Variants in FAM184B observed in about 807,000 individuals in gnomAD.
The protein encoded by FAM184B is family with sequence similarity 184 member B, also known as protein FAM184B.
In FAM184B, 111 loss-of-function variants were observed where a neutral mutation model predicts 135.9. The ratio of observed to expected loss-of-function variants is 0.82; its 90% CI spans 0.70 to 0.96. The LOEUF (loss-of-function observed/expected upper bound fraction) is 0.96, where lower values mean the gene tolerates loss of function less well. Among genes scored for constraint, FAM184B ranks in the 40% least tolerant of loss-of-function variants. The pLI is 0.00. For synonymous variants in FAM184B, 552 were observed against 524.8 expected, an observed-to-expected ratio of 1.05 and a Z score of -0.71; for missense variants, 1,375 against 1,323.9, an observed-to-expected ratio of 1.04 and a Z score of -0.60.
chr4:17,658,634 T>A, intron 9 of FAM184B, 72 bp from the exon 10 acceptor site: 1 of 1,395,330 alleles, frequency 7.2e-7, no homozygotes, highest in Non-Finnish European at 9.8e-7. Flanking sequence ...AAATAAAAGC[T>A]TTCTAAATGT....
At chr4:17,692,397 T>G (rs930648646) in intron 6 of FAM184B, among the ~76,000 whole-genome samples, 2 of 152,240 alleles carry the variant, frequency 1.3e-5, no homozygotes, top group African/African-American at 4.8e-5. Context: ...ATACTCATCA[T>G]TTTTTAAAAT....
At chr4:17,740,309 G>A (rs967595291) in intron 1 of FAM184B, among the ~76,000 whole-genome samples, 8 of 130,626 alleles carry the variant, frequency 6.1e-5, no homozygotes, top group Admixed American at 5.7e-4. Flanking sequence ...CTGAGATCAC[G>A]CTACTGCACT....
chr4:17,638,723 C>G (rs899458936), intron 14 of FAM184B, among the ~76,000 whole-genome samples: 12 of 152,140 alleles, frequency 7.9e-5, no homozygotes, highest in Non-Finnish European at 1.8e-4. Context: ...CTGATTTCTT[C>G]GAAGTGTGAG....
chr4:17,632,223 C>T lies in FAM184B; in HGVS notation c.*309G>A, dbSNP rs758610773. 46 of 171,162 alleles carry T rather than the reference C, an allele frequency of 2.7e-4. No individual in the cohort carries two copies. The highest frequency in any genetic ancestry group is 4.4e-4 in the Non-Finnish European group (35 of 79,468). 10.6% of individuals were successfully genotyped at this position (171,162 alleles called of 1,614,324 possible). ...CCAAGTACCTGGGACCACAGGCACA[C>T]GCCACCATGCCTGGCTAATTTTTGT... On this transcript the variant is annotated 3_prime_UTR_variant, in exon 18 of 18. Transcript: ENST00000265018.
At position 17,630,672 on chromosome 4, in the gene FAM184B, G is replaced by A. The variant is rs1369485539; in HGVS notation, c.*1860C>T. On this transcript the variant is annotated 3_prime_UTR_variant, in exon 18 of 18. Coordinates refer to ENST00000265018, the MANE Select transcript of FAM184B (RefSeq NM_015688.2). ...GTGAAAAACAGTATGGTGTGTTAAT[G>A]TATGGTGACAAGTGTTTGTTTGCAT... 6.6e-6 allele frequency: 1 copy of A among 152,216 alleles called. No homozygotes were observed. Among genetic ancestry groups the A allele is most frequent in the East Asian group, 1.9e-4 (1 of 5,200 alleles). The allele number at this position is 152,216 out of a possible 1,614,324, so 9.4% of individuals were successfully genotyped here. A position where few individuals can be genotyped will look rare whatever the true frequency, so the allele number is the denominator to read the frequency against.
rs182355050 is a variant in FAM184B, at chr4:17,681,119, G to A, written c.1596+7305C>T. On this transcript the variant is annotated intron_variant, in intron 7 of 17. Coordinates refer to ENST00000265018, the MANE Select transcript of FAM184B (RefSeq NM_015688.2). Reference sequence around the variant, plus strand: ...TACCACAAGTCTCTGGGGGTATGAAGTGCAGGGATTATTGCCACTGTTTTA... The same window carrying A: ...TACCACAAGTCTCTGGGGGTATGAAATGCAGGGATTATTGCCACTGTTTTA... Among the ~76,000 whole-genome samples, 5 of 152,348 alleles carry A rather than the reference G, an allele frequency of 3.3e-5. No individual in the cohort carries two copies. In the East Asian group the frequency reaches 9.6e-4, roughly 29 times the overall value.
intron 7 of FAM184B, among the ~76,000 whole-genome samples, chr4:17,683,724 G>A (rs1467960351): frequency 1.3e-5 from 2 of 152,044 alleles, no homozygotes; most frequent in African/African-American, 2.4e-5. Context: ...AAAAAATGAC[G>A]CTAAAAGGGA....
At chr4:17,764,862 C>T (rs542730886) in intron 1 of FAM184B, among the ~76,000 whole-genome samples, 10 of 152,168 alleles carry the variant, frequency 6.6e-5, no homozygotes, top group East Asian at 5.8e-4. Flanking sequence ...TCCAGGAGAT[C>T]GAGACCAGGC....
Position 17,731,259 on chromosome 4 carries a change from A to C in FAM184B, c.142-21615T>G, listed in dbSNP as rs139415993. Among the ~76,000 whole-genome samples, 1,332 of 152,290 alleles carry C rather than the reference A, an allele frequency of 8.7e-3. 20 individuals carry two copies. Among genetic ancestry groups the C allele is most frequent in the African/African-American group, 0.03 (1,267 of 41,566 alleles). On this transcript the variant is annotated intron_variant, in intron 1 of 17. Coordinates refer to ENST00000265018, the MANE Select transcript of FAM184B (RefSeq NM_015688.2). ...AAAGACCATCAAGACAAGGAAGAAA[A>C]CTGCATCAACTAACGAGCAAAATAA...
intron 13 of FAM184B, 93 bp downstream of exon 13, chr4:17,641,963 G>C: frequency 2.1e-6 from 3 of 1,441,100 alleles, no homozygotes; most frequent in Non-Finnish European, 2.7e-6. Flanking sequence ...ACCCATTTCA[G>C]GTCTCAGGCT....
chr4:17,653,504 G>C (rs1442421196), intron 10 of FAM184B, among the ~76,000 whole-genome samples: 1 of 151,846 alleles, frequency 6.6e-6, no homozygotes, highest in Non-Finnish European at 1.5e-5. Context: ...AACTGTCTGT[G>C]TCTCTGTCCT....
intron 1 of FAM184B, among the ~76,000 whole-genome samples, chr4:17,766,760 C>T (rs1191451491): frequency 6.6e-6 from 1 of 152,254 alleles, no homozygotes; most frequent in Non-Finnish European, 1.5e-5. Context: ...GAGGATCCCG[C>T]ACCGGGGCAG....
chr4:17,767,239 C>T (rs912234296), intron 1 of FAM184B, among the ~76,000 whole-genome samples: 25 of 152,330 alleles, frequency 1.6e-4, no homozygotes, highest in African/African-American at 5.3e-4. Flanking sequence ...TGGGCCAGCC[C>T]AGAGAGGGGC....
Position 17,633,817 on chromosome 4 carries a change from A to C in FAM184B, c.2961T>G (p.Phe987Leu), listed in dbSNP as rs1715038243. Residue 987 changes from phenylalanine to leucine, a missense_variant, in exon 17 of 18, where the codon TTT becomes TTG. Physicochemically the swap from Phe to Leu is conservative, Grantham distance 22 (BLOSUM62 0). Coordinates refer to ENST00000265018, the MANE Select transcript of FAM184B (RefSeq NM_015688.2). The stretch of plus-strand genomic sequence containing the variant: ...TCCTGGAACTCAGATCGCCACTCAG[A>C]AAGTTCTTTGCATAGGAGGCGAGGT... Reference protein sequence around the residue: ...VPNLASYAKNFLSGDLSSRIN... With the variant: ...VPNLASYAKNLLSGDLSSRIN... The C allele has an allele frequency of 1.9e-6, 3 of 1,551,634 alleles. No individual in the cohort carries two copies. The highest frequency in any genetic ancestry group is 1.4e-5 in the African/African-American group (1 of 73,176).
At chr4:17,645,058 A>G (rs148130157) in intron 12 of FAM184B, among the ~76,000 whole-genome samples, 2,154 of 152,300 alleles carry the variant, frequency 0.014, 21 homozygotes, top group Middle Eastern at 0.024. Flanking sequence ...AGAACTACAA[A>G]CCACTGCTCA....
intron 8 of FAM184B, among the ~76,000 whole-genome samples, chr4:17,662,863 G>A (rs1715951219): frequency 6.6e-6 from 1 of 152,158 alleles, no homozygotes; most frequent in Non-Finnish European, 1.5e-5. Context: ...GTCTCACTGT[G>A]GTGGTAAGTT....
chr4:17,731,385 AT>A, intron 1 of FAM184B, among the ~76,000 whole-genome samples: 1 of 152,222 alleles, frequency 6.6e-6, no homozygotes, highest in Non-Finnish European at 1.5e-5. Context: ...AGACTGGCAA[AT>A]TGGATAAAGA....
rs149895817 is a variant in FAM184B, at chr4:17,682,186, C to T, written c.1596+6238G>A. ...GAAAACTTCCACCCTTCTCCACCGC[C>T]CGTTCAGTGTGGCCCAGGCACCAAA... is the stretch of plus-strand genomic sequence containing the variant. On this transcript the variant is annotated intron_variant, in intron 7 of 17. Coordinates refer to ENST00000265018, the MANE Select transcript of FAM184B (RefSeq NM_015688.2). 3.0e-3 allele frequency among the ~76,000 whole-genome samples: 459 copies of T among 152,260 alleles called. 2 individuals are homozygous for T. Among genetic ancestry groups the T allele is most frequent in the Non-Finnish European group, 5.2e-3 (351 of 68,014 alleles).
chr4:17,683,574 TC>T (rs1475050275), intron 7 of FAM184B, among the ~76,000 whole-genome samples: 3 of 152,160 alleles, frequency 2.0e-5, no homozygotes, highest in African/African-American at 7.2e-5. Flanking sequence ...CTATATTATA[TC>T]CCTCTATGGT....
Sources: allele counts gnomAD v4.1 joint callset (sites outside exome capture counted in the v4.1 genomes callset), GRCh38; gene constraint gnomAD v4.1.1; transcripts MANE v1.5; gene names NCBI Gene and HGNC (gene_info 2026-07-23, HGNC 2026-07-21).